The following PTPRD variants were observed in gnomAD, a reference collection of about 807,000 sequenced individuals.
PTPRD encodes receptor-type tyrosine-protein phosphatase delta.
Under a neutral mutation model 214.5 loss-of-function variants are expected in PTPRD, and 34 were observed. The observed-to-expected ratio is 0.16, with a 90% CI of 0.12 to 0.21. PTPRD has a LOEUF of 0.21. PTPRD is among the 10% of genes least tolerant of loss of function. The pLI is 1.00. For synonymous variants in PTPRD, 1,128 were observed against 845.7 expected (o/e 1.33, Z -5.79); for missense variants, 2,545 against 2,398.7 (o/e 1.06, Z -1.27).
At chr9:10,428,929 C>A in intron 2 of PTPRD, among the ~76,000 whole-genome samples, 1 of 151,990 alleles carries the variant, frequency 6.6e-6, no homozygotes, top group Admixed American at 6.6e-5. Context: ...TCCTAAGTCA[C>A]GAAAGTTTCT....
chr9:9,859,346 T>C (rs866618146), intron 5 of PTPRD, among the ~76,000 whole-genome samples: 21 of 152,330 alleles, frequency 1.4e-4, no homozygotes, highest in African/African-American at 3.8e-4. Context: ...AACAGCTTCC[T>C]GGACTATTGG....
At chr9:10,505,049 T>G (rs1488866439) in intron 2 of PTPRD, among the ~76,000 whole-genome samples, 1 of 152,170 alleles carries the variant, frequency 6.6e-6, no homozygotes, top group African/African-American at 2.4e-5. Context: ...AGCCAGAGAT[T>G]CTAGGATACC....
At chr9:9,536,521 T>G (rs2076549212) in intron 8 of PTPRD, among the ~76,000 whole-genome samples, 3 of 152,048 alleles carry the variant, frequency 2.0e-5, no homozygotes, top group Non-Finnish European at 4.4e-5. Context: ...CCGTTTAAGA[T>G]TTCAAATTAC....
chr9:8,731,477 G>C (rs983918306), intron 12 of PTPRD, among the ~76,000 whole-genome samples: 4 of 152,284 alleles, frequency 2.6e-5, no homozygotes, highest in African/African-American at 9.6e-5. Context: ...ATAAAAGCCT[G>C]AAAAATATTA....
At chr9:9,672,748 A>G (rs1424608737) in intron 7 of PTPRD, among the ~76,000 whole-genome samples, 1 of 151,680 alleles carries the variant, frequency 6.6e-6, no homozygotes, top group Non-Finnish European at 1.5e-5. Context: ...CAAAAGCTAC[A>G]AAAAAAAATT....
intron 10 of PTPRD, among the ~76,000 whole-genome samples, chr9:9,125,941 T>C (rs982662211): frequency 3.3e-5 from 5 of 151,622 alleles, no homozygotes; most frequent in Admixed American, 2.0e-4. Flanking sequence ...CAGCAAGGGG[T>C]GAATGGTCCA....
At chr9:9,022,937 A>G (rs1315778915) in intron 10 of PTPRD, among the ~76,000 whole-genome samples, 1 of 152,156 alleles carries the variant, frequency 6.6e-6, no homozygotes, top group Non-Finnish European at 1.5e-5. Flanking sequence ...CATGGCTGGC[A>G]TGACTGGTAT....
At chr9:8,446,215 AG>A (rs1472425176) in intron 34 of PTPRD, among the ~76,000 whole-genome samples, 1 of 152,220 alleles carries the variant, frequency 6.6e-6, no homozygotes, top group East Asian at 1.9e-4. Flanking sequence ...TTAAGGGTAC[AG>A]TTCTTTGACG....
chr9:10,444,244 T>C (rs2098782624), intron 2 of PTPRD, among the ~76,000 whole-genome samples: 1 of 151,830 alleles, frequency 6.6e-6, no homozygotes, highest in Admixed American at 6.6e-5. Flanking sequence ...TTTTATTCTA[T>C]GATGTTTAAC....
In PTPRD at chr9:9,977,935, A is replaced by G. The variant is rs567434230; in HGVS notation, c.-471-39325T>C. On this transcript the variant is annotated intron_variant, in intron 4 of 45. Transcript: ENST00000381196. Reference sequence around the variant, plus strand: ...ATATTTAACATACCTTTCCAGAAAAAAAAAAGTTATGTGCTTTTGCTTTCA... The same window carrying G: ...ATATTTAACATACCTTTCCAGAAAAGAAAAAGTTATGTGCTTTTGCTTTCA... Among the ~76,000 whole-genome samples the G allele has an allele frequency of 8.8e-4, 134 of 151,996 alleles. 1 individual carries two copies. Among genetic ancestry groups the G allele is most frequent in the African/African-American group, 3.0e-3 (126 of 41,504 alleles).
chr9:9,315,576 TG>T (rs1012844196), intron 9 of PTPRD, among the ~76,000 whole-genome samples: 12 of 151,980 alleles, frequency 7.9e-5, no homozygotes, highest in African/African-American at 2.9e-4. Context: ...TTCACTTTTT[TG>T]GGGGCCACTG....
intron 3 of PTPRD, among the ~76,000 whole-genome samples, chr9:10,195,285 G>A (rs138826128): frequency 6.6e-5 from 10 of 151,982 alleles, no homozygotes; most frequent in African/African-American, 2.2e-4. Context: ...GAAAAGGAAG[G>A]TAATGATTGA....
In PTPRD at chr9:9,617,706, G is replaced by A. The variant is rs868687417; in HGVS notation, c.-286-42925C>T. ...GGGGTGAAGTAGGGCCAGTGTAAGA[G>A]ATTAGGATGGTGAGGGTGTCCTCTA... On this transcript the variant is annotated intron_variant, in intron 7 of 45. Transcript: ENST00000381196. Among the ~76,000 whole-genome samples, 4 of 152,190 alleles carry A rather than the reference G, an allele frequency of 2.6e-5. No homozygotes were observed. The South Asian group carries it at 8.3e-4, about 32-fold the overall frequency.
rs1182078328 is a variant in PTPRD at position 8,445,560 on chromosome 9, G to C, written c.3988+4165C>G. Among the ~76,000 whole-genome samples, 3 of 152,022 alleles carry C rather than the reference G, an allele frequency of 2.0e-5. No individual in the cohort carries two copies. In the East Asian group the frequency reaches 5.8e-4, roughly 29 times the overall value. On this transcript the variant is annotated intron_variant, in intron 34 of 45. Coordinates refer to ENST00000381196, the MANE Select transcript of PTPRD (RefSeq NM_002839.4). ...AAATGATAAATGTTCCCGTATATTT[G>C]TCCAGACTTACCATGTGAACACATC...
intron 5 of PTPRD, among the ~76,000 whole-genome samples, chr9:9,914,031 T>C (rs2079973970): frequency 6.6e-6 from 1 of 152,324 alleles, no homozygotes; most frequent in East Asian, 1.9e-4. Flanking sequence ...TCTGGTCCTG[T>C]ACAGTACAGA....
At chr9:9,711,621 A>C (rs1181498101) in intron 7 of PTPRD, among the ~76,000 whole-genome samples, 1 of 152,168 alleles carries the variant, frequency 6.6e-6, no homozygotes, top group East Asian at 1.9e-4. Flanking sequence ...GTTCTCAACA[A>C]AGGGTAAACT....
At position 9,881,590 on chromosome 9, in the gene PTPRD, C is replaced by A. The variant is rs17301615; in HGVS notation, c.-368+56917G>T. On this transcript the variant is annotated intron_variant, in intron 5 of 45. Transcript: ENST00000381196. ...AACTCCCAATTATACATGGAACTTT[C>A]AGTTAGCTTTGGAACTTCAGTTAGC... is the stretch of plus-strand genomic sequence containing the variant. Among the ~76,000 whole-genome samples the A allele has an allele frequency of 4.5e-3, 687 of 152,214 alleles. 7 individuals are homozygous for A. Among genetic ancestry groups the A allele is most frequent in the Non-Finnish European group, 7.8e-3 (532 of 68,014 alleles).
At chr9:9,962,400 C>A (rs537910921) in intron 4 of PTPRD, among the ~76,000 whole-genome samples, 59 of 152,136 alleles carry the variant, frequency 3.9e-4, no homozygotes, top group Non-Finnish European at 7.4e-5. Context: ...TCCTATCTAT[C>A]CAGCTAAACA....
chr9:9,960,341 C>T (rs762099104), intron 4 of PTPRD, among the ~76,000 whole-genome samples: 12 of 151,946 alleles, frequency 7.9e-5, no homozygotes, highest in Non-Finnish European at 1.6e-4. Context: ...GAAAACAACC[C>T]ACGTAGAATA....
Sources: allele counts gnomAD v4.1 joint callset (sites outside exome capture counted in the v4.1 genomes callset), GRCh38; gene constraint gnomAD v4.1.1; transcripts MANE v1.5; gene names NCBI Gene and HGNC (gene_info 2026-07-23, HGNC 2026-07-21).